The following HLCS variants were observed in gnomAD, a reference collection of about 807,000 sequenced individuals.
HLCS encodes the protein holocarboxylase synthetase.
In HLCS, 53 loss-of-function variants were observed where a neutral mutation model predicts 75.0. That is an observed-to-expected ratio of 0.71 (90% confidence interval 0.57 to 0.89). The LOEUF (loss-of-function observed/expected upper bound fraction) is 0.89, where lower values mean the gene tolerates loss of function less well. Among genes scored for constraint, HLCS ranks in the 40% least tolerant of loss-of-function variants. HLCS has a pLI of 0.00. For missense variants in HLCS, 966 were observed against 1,074.0 expected, an observed-to-expected ratio of 0.90 and a Z score of 1.41; for synonymous variants, 431 against 428.6, an observed-to-expected ratio of 1.01 and a Z score of -0.07.
chr21:36,857,120 A>G (rs2063222215), intron 6 of HLCS, among the ~76,000 whole-genome samples: 2 of 152,158 alleles, frequency 1.3e-5, no homozygotes, highest in African/African-American at 4.8e-5. Context: ...GTCAAACAAC[A>G]TGTTTAAAAG....
intron 8 of HLCS, 124 bp from the exon 9 acceptor site, chr21:36,759,965 A>C: frequency 1.4e-6 from 1 of 738,950 alleles, no homozygotes; most frequent in Non-Finnish European, 2.5e-6. Context: ...CCTCTTTTTC[A>C]GGCAGCTAAT....
At chr21:36,973,421 G>C (rs1289151800) in intron 1 of HLCS, among the ~76,000 whole-genome samples, 2 of 152,094 alleles carry the variant, frequency 1.3e-5, no homozygotes, top group African/African-American at 2.4e-5. Context: ...CCAGCTGTCT[G>C]ATAAATATGA....
chr21:36,816,152 C>A (rs530592129), intron 6 of HLCS, among the ~76,000 whole-genome samples: 1 of 152,092 alleles, frequency 6.6e-6, no homozygotes, highest in African/African-American at 2.4e-5. Flanking sequence ...CTACTCTTAG[C>A]CTCAGTTTTT....
chr21:36,821,982 A>T (rs1001368547), intron 6 of HLCS, among the ~76,000 whole-genome samples: 1 of 152,192 alleles, frequency 6.6e-6, no homozygotes, highest in Non-Finnish European at 1.5e-5. Flanking sequence ...TACAGGAGAC[A>T]TCAGGTGGCC....
intron 6 of HLCS, among the ~76,000 whole-genome samples, chr21:36,817,146 C>T (rs898696522): frequency 7.2e-5 from 11 of 152,210 alleles, no homozygotes; most frequent in African/African-American, 1.9e-4. Flanking sequence ...GGATGCATTA[C>T]ATACCATACT....
chr21:36,774,167 G>C (rs2145807399), intron 6 of HLCS, among the ~76,000 whole-genome samples: 1 of 152,300 alleles, frequency 6.6e-6, no homozygotes, highest in South Asian at 2.1e-4. Context: ...ACTTCTGACA[G>C]GTGACTTCTG....
At chr21:36,894,645 G>A (rs1468845630) in intron 6 of HLCS, among the ~76,000 whole-genome samples, 1 of 152,134 alleles carries the variant, frequency 6.6e-6, no homozygotes, top group African/African-American at 2.4e-5. Context: ...TCTGCACCAA[G>A]CAAGGGATTC....
At chr21:36,860,940 A>C (rs938242268) in intron 6 of HLCS, among the ~76,000 whole-genome samples, 2 of 152,254 alleles carry the variant, frequency 1.3e-5, no homozygotes, top group African/African-American at 4.8e-5. Context: ...TTTTACAGAG[A>C]GCTTCAATAA....
chr21:36,881,359 G>T (rs2064206873), intron 6 of HLCS, among the ~76,000 whole-genome samples: 1 of 152,094 alleles, frequency 6.6e-6, no homozygotes, highest in South Asian at 2.1e-4. Context: ...TCCCACCCCA[G>T]GAGCCACTTT....
chr21:36,934,846 G>T (rs1287796737), intron 4 of HLCS, among the ~76,000 whole-genome samples: 4 of 152,178 alleles, frequency 2.6e-5, no homozygotes, highest in Non-Finnish European at 4.4e-5. Context: ...AGAGACACAG[G>T]CCTGTGGAGA....
chr21:36,790,286 C>T (rs1025112688), intron 6 of HLCS, among the ~76,000 whole-genome samples: 4 of 152,116 alleles, frequency 2.6e-5, no homozygotes, highest in Non-Finnish European at 4.4e-5. Flanking sequence ...CACCTGTAAT[C>T]CCAGCTACTC....
chr21:36,970,751 G>C (rs1271358868), upstream of HLCS, among the ~76,000 whole-genome samples: 1 of 152,054 alleles, frequency 6.6e-6, no homozygotes, highest in African/African-American at 2.4e-5. Flanking sequence ...CCAGCACTTT[G>C]GGAGGCCAAG....
In HLCS at chr21:36,938,822, A is replaced by G. The variant is rs1601811088; in HGVS notation, c.493+10T>C. ...CCTGGCCAATAAAAACATTTTCTAA[A>G]GTTACTTACACACAATCTTTTGGGG... On this transcript the variant is annotated intron_variant, in intron 3 of 10. Coordinates refer to ENST00000674895, the MANE Select transcript of HLCS (RefSeq NM_001352514.2). 6.2e-7 allele frequency: 1 copy of G among 1,613,896 alleles called. No homozygotes were observed. The highest frequency in any genetic ancestry group is 1.1e-5 in the South Asian group (1 of 91,082).
intron 6 of HLCS, among the ~76,000 whole-genome samples, chr21:36,871,869 G>A (rs8131697): frequency 6.6e-6 from 1 of 152,054 alleles, no homozygotes; most frequent in African/African-American, 2.4e-5. Context: ...AGTGTAATAG[G>A]TACAATAAGT....
At chr21:36,985,449 A>G (rs868789536) in intron 1 of HLCS, among the ~76,000 whole-genome samples, 7 of 151,258 alleles carry the variant, frequency 4.6e-5, no homozygotes, top group African/African-American at 1.2e-4. Flanking sequence ...CCTGGCCAAC[A>G]TGGTGAAACC....
At position 36,938,911 on chromosome 21, in the gene HLCS, G is replaced by A. The variant is rs1555958227; in HGVS notation, c.414C>T (p.Asp138=). 1 of 1,613,922 alleles carries A rather than the reference G, an allele frequency of 6.2e-7. No individual in the cohort carries two copies. Among genetic ancestry groups the A allele is most frequent in the Non-Finnish European group, 8.5e-7 (1 of 1,179,934 alleles). ...ACGCCACCCCCAGCTTGCTGAAGTT[G>A]TCCACACTTGCTTCAGCAATTAGCC... The part of the protein sequence containing the change: ...PYRLIAEASV[D]NFSKLGVAFM... Residue 138 remains aspartate, a synonymous_variant, in exon 3 of 11, where the codon GAC becomes GAT. Coordinates refer to ENST00000674895, the MANE Select transcript of HLCS (RefSeq NM_001352514.2).
intron 6 of HLCS, among the ~76,000 whole-genome samples, chr21:36,861,632 A>G (rs1301768936): frequency 6.6e-6 from 1 of 152,192 alleles, no homozygotes; most frequent in Non-Finnish European, 1.5e-5. Context: ...CTTGTAAGTG[A>G]GAACACACAG....
At chr21:36,775,534 G>A (rs774785977) in intron 6 of HLCS, among the ~76,000 whole-genome samples, 13 of 152,228 alleles carry the variant, frequency 8.5e-5, no homozygotes, top group African/African-American at 2.4e-5. Context: ...GTACCTCAGC[G>A]GTAGCCCTGA....
At chr21:36,830,625 G>C (rs537542494) in intron 6 of HLCS, among the ~76,000 whole-genome samples, 36 of 152,098 alleles carry the variant, frequency 2.4e-4, no homozygotes, top group African/African-American at 8.4e-4. Flanking sequence ...CTTGAGCCTA[G>C]GGGTTCGAGA....
Sources: gnomAD v4.1 joint callset for allele counts (sites outside exome capture counted in the v4.1 genomes callset) on GRCh38, gnomAD v4.1.1 for gene constraint, MANE v1.5 for transcripts, NCBI Gene and HGNC (gene_info 2026-07-23, HGNC 2026-07-21) for gene names.